VKORC1L1: variants seen among roughly 807,000 people sequenced by gnomAD.
The protein encoded by VKORC1L1 is vitamin K epoxide reductase complex subunit 1-like protein 1.
VKORC1L1 carries 2 observed loss-of-function variants against 18.9 expected under a neutral mutation model. The observed-to-expected ratio is 0.11, with a 90% confidence interval of 0.04 to 0.33. The LOEUF is 0.33. VKORC1L1 is among the 10% of genes least tolerant of loss of function. VKORC1L1 has a pLI of 1.00. For missense variants in VKORC1L1, 123 were observed against 224.1 expected (o/e 0.55, Z 2.88); for synonymous variants, 96 against 100.0 (o/e 0.96, Z 0.24).
At chr7:65,886,848 T>G (rs908368960) in intron 1 of VKORC1L1, among the ~76,000 whole-genome samples, 1 of 131,640 alleles carries the variant, frequency 7.6e-6, no homozygotes, top group Non-Finnish European at 1.6e-5. Flanking sequence ...AGTTTTTTTT[T>G]TTTTTTTTTT....
chr7:65,869,345 T>TA (rs548721649), upstream of VKORC1L1, among the ~76,000 whole-genome samples: 17 of 151,968 alleles, frequency 1.1e-4, no homozygotes, highest in African/African-American at 3.4e-4. Flanking sequence ...ATAAAAATTG[T>TA]AAAAAAAGCA....
intron 1 of VKORC1L1, among the ~76,000 whole-genome samples, chr7:65,936,714 C>G (rs917517169): frequency 1.3e-5 from 2 of 152,206 alleles, no homozygotes; most frequent in African/African-American, 4.8e-5. Flanking sequence ...ATTCCCTTCT[C>G]TGGTCCTTTC....
At chr7:65,940,809 G>T (rs1490132514) in intron 1 of VKORC1L1, among the ~76,000 whole-genome samples, 1 of 152,196 alleles carries the variant, frequency 6.6e-6, no homozygotes, top group Non-Finnish European at 1.5e-5. Flanking sequence ...GAAATATGAT[G>T]ACAGCTAATT....
chr7:65,883,362 G>T (rs1318069043), intron 1 of VKORC1L1, among the ~76,000 whole-genome samples: 1 of 151,862 alleles, frequency 6.6e-6, no homozygotes, highest in Non-Finnish European at 1.5e-5. Flanking sequence ...TGTTGGTCAG[G>T]CTCGTCTCGA....
At chr7:65,921,722 C>A (rs1330040720) in intron 1 of VKORC1L1, among the ~76,000 whole-genome samples, 1 of 152,090 alleles carries the variant, frequency 6.6e-6, no homozygotes, top group Non-Finnish European at 1.5e-5. Flanking sequence ...GTGGCGGGCG[C>A]CTGTAGTCCC....
chr7:65,935,467 G>A lies in VKORC1L1; in HGVS notation c.195-13204G>A, dbSNP rs184355853. 3.8e-3 allele frequency among the ~76,000 whole-genome samples: 584 copies of A among 151,886 alleles called. 6 individuals carry two copies. The highest frequency in any genetic ancestry group is 0.013 in the African/African-American group (556 of 41,426). On this transcript the variant is annotated intron_variant, in intron 1 of 2. Coordinates refer to ENST00000360768, the MANE Select transcript of VKORC1L1 (RefSeq NM_173517.6). The stretch of plus-strand genomic sequence containing the variant: ...TGGAATTACAGACGCACGCCACCAC[G>A]CTCATCTAATTTTTGTATTTTTAGT...
intron 1 of VKORC1L1, among the ~76,000 whole-genome samples, chr7:65,946,675 T>A (rs1427537243): frequency 6.6e-6 from 1 of 152,194 alleles, no homozygotes; most frequent in Non-Finnish European, 1.5e-5. Flanking sequence ...TTATTATTTC[T>A]CTTCCCTAAA....
intron 1 of VKORC1L1, among the ~76,000 whole-genome samples, chr7:65,911,525 A>C (rs1789502701): frequency 2.0e-5 from 3 of 152,192 alleles, no homozygotes; most frequent in Admixed American, 2.0e-4. Flanking sequence ...CTGTTCAGCA[A>C]GACAAATCAC....
rs185762891 is a variant in VKORC1L1 at position 65,892,490 on chromosome 7, C to G, written c.194+18925C>G. Among the ~76,000 whole-genome samples the G allele has an allele frequency of 3.8e-3, 585 of 152,304 alleles. 6 individuals carry two copies. The highest frequency in any genetic ancestry group is 0.013 in the African/African-American group (558 of 41,560). On this transcript the variant is annotated intron_variant, in intron 1 of 2. Coordinates refer to ENST00000360768, the MANE Select transcript of VKORC1L1 (RefSeq NM_173517.6). ...GATATCTCATTGTAGTTTTGATTTGCATTTCTCTGATTAATGGAAATTCTT... is the reference window on the plus strand; with the variant it reads ...GATATCTCATTGTAGTTTTGATTTGGATTTCTCTGATTAATGGAAATTCTT...
At chr7:65,928,964 C>A (rs1021815778) in intron 1 of VKORC1L1, among the ~76,000 whole-genome samples, 2 of 152,158 alleles carry the variant, frequency 1.3e-5, no homozygotes, top group African/African-American at 2.4e-5. Flanking sequence ...TTGGGATTCT[C>A]ATTTGTATTT....
chr7:65,944,174 C>G (rs1216242495), intron 1 of VKORC1L1, among the ~76,000 whole-genome samples: 1 of 152,100 alleles, frequency 6.6e-6, no homozygotes, highest in East Asian at 1.9e-4. Context: ...TGAGACCAGC[C>G]TGGGCAACAT....
At chr7:65,896,716 C>T (rs796563202) in intron 1 of VKORC1L1, among the ~76,000 whole-genome samples, 12 of 152,182 alleles carry the variant, frequency 7.9e-5, no homozygotes, top group African/African-American at 2.4e-4. Flanking sequence ...AAAACAGACA[C>T]GCTGCTGGGC....
intron 1 of VKORC1L1, among the ~76,000 whole-genome samples, chr7:65,946,511 A>C (rs1012222464): frequency 1.7e-4 from 26 of 152,178 alleles, no homozygotes; most frequent in Admixed American, 7.2e-4. Flanking sequence ...CCACAGACCC[A>C]CTGAAGGAAC....
intron 1 of VKORC1L1, among the ~76,000 whole-genome samples, chr7:65,920,349 T>C (rs2115616717): frequency 6.6e-6 from 1 of 152,268 alleles, no homozygotes; most frequent in East Asian, 1.9e-4. Context: ...GCCCGACAAA[T>C]GCTGGGCACT....
At chr7:65,870,265 GA>G (rs58681634), upstream of VKORC1L1, among the ~76,000 whole-genome samples, 60,047 of 110,242 alleles carry the variant, frequency 0.54, 14,242 homozygotes, top group African/African-American at 0.6. Context: ...ACTAAGTACA[GA>G]AAAAAAAAAA....
intron 1 of VKORC1L1, among the ~76,000 whole-genome samples, chr7:65,945,580 C>A (rs1175428374): frequency 6.6e-6 from 1 of 152,002 alleles, no homozygotes. Context: ...CCACTGCACT[C>A]CAGCCTGGGC....
At chr7:65,891,255 A>G (rs528900142) in intron 1 of VKORC1L1, among the ~76,000 whole-genome samples, 1 of 152,158 alleles carries the variant, frequency 6.6e-6, no homozygotes, top group East Asian at 1.9e-4. Context: ...TTAAGCTGCT[A>G]TGAACATTCT....
At chr7:65,895,466 AAAAAAAAAAAAAAAATAT>A (rs1484044541) in intron 1 of VKORC1L1, among the ~76,000 whole-genome samples, 8 of 50,340 alleles carry the variant, frequency 1.6e-4, no homozygotes, top group African/African-American at 5.8e-4. Context: ...AAAAAAAAAA[AAAAAAAAAAAAAAAATAT>A]ATATATATAT....
At chr7:65,943,913 AAAC>A (rs1194054523) in intron 1 of VKORC1L1, among the ~76,000 whole-genome samples, 1 of 152,264 alleles carries the variant, frequency 6.6e-6, no homozygotes, top group Admixed American at 6.5e-5. Context: ...ACAAAAATTT[AAAC>A]AACAAAGAAA....
Sources: allele counts gnomAD v4.1 joint callset (sites outside exome capture counted in the v4.1 genomes callset), GRCh38; gene constraint gnomAD v4.1.1; transcripts MANE v1.5; gene names NCBI Gene and HGNC (gene_info 2026-07-23, HGNC 2026-07-21).